LTBP1: variants seen among roughly 807,000 people sequenced by gnomAD.
LTBP1 encodes the protein latent-transforming growth factor beta-binding protein 1.
In LTBP1, 129 loss-of-function variants were observed where a neutral mutation model predicts 207.6. The observed-to-expected ratio is 0.62, with a 90% CI of 0.54 to 0.72. LTBP1 has a LOEUF of 0.72. Among genes scored for constraint, LTBP1 ranks in the 30% least tolerant of loss-of-function variants. The probability of loss-of-function intolerance (pLI) is 0.00; values close to 1 mark genes in which losing one functional copy is unlikely to be tolerated. For synonymous variants in LTBP1, 963 were observed against 833.7 expected (o/e 1.16, Z -2.67); for missense variants, 2,281 against 2,217.2 (o/e 1.03, Z -0.58).
chr2:33,214,976 T>C (rs974777268), intron 7 of LTBP1, among the ~76,000 whole-genome samples: 112 of 152,056 alleles, frequency 7.4e-4, no homozygotes, highest in Non-Finnish European at 1.3e-3. Context: ...TCTCGTAGGG[T>C]CGTTTCTTAT....
intron 3 of LTBP1, among the ~76,000 whole-genome samples, chr2:33,036,921 A>G (rs759638311): frequency 2.0e-5 from 3 of 151,834 alleles, no homozygotes; most frequent in Non-Finnish European, 4.4e-5. Flanking sequence ...TGGCTTTCTT[A>G]CAGTGAACTC....
At chr2:33,312,007 C>T in intron 23 of LTBP1, among the ~76,000 whole-genome samples, 1 of 152,190 alleles carries the variant, frequency 6.6e-6, no homozygotes, top group East Asian at 1.9e-4. Context: ...GTCTGTGAAT[C>T]TGTTTTATCA....
chr2:33,152,914 G>T (rs1261264790), intron 5 of LTBP1, among the ~76,000 whole-genome samples: 1 of 152,126 alleles, frequency 6.6e-6, no homozygotes, highest in Non-Finnish European at 1.5e-5. Context: ...TTTAATAGTG[G>T]TGCTGCTACT....
rs1204933192 is a variant in LTBP1, at chr2:32,959,594, C to CGT, written c.565+10652_565+10653dup. On this transcript the variant is annotated intron_variant, in intron 2 of 33. Coordinates refer to ENST00000404816, the MANE Select transcript of LTBP1 (RefSeq NM_206943.4). ...GTGTATGTATATGTATATATATGTA[C>CGT]GTGTATATATATATATATATATATA... 6.2e-3 allele frequency among the ~76,000 whole-genome samples: 381 copies of CGT among 61,860 alleles called. 6 individuals are homozygous for CGT. The highest frequency in any genetic ancestry group is 0.012 in the Middle Eastern group (1 of 84). 40.6% of individuals were successfully genotyped at this position (61,860 alleles called of 152,430 possible).
intron 1 of LTBP1, among the ~76,000 whole-genome samples, chr2:32,948,087 C>G (rs1480556964): frequency 6.6e-6 from 1 of 152,188 alleles, no homozygotes; most frequent in South Asian, 2.1e-4. Flanking sequence ...TGGGGCGTAA[C>G]CTTCTGCGCG....
chr2:33,397,408 T>C (rs12053346), intron 33 of LTBP1, 126 bp downstream of exon 33: 453,608 of 978,554 alleles, frequency 0.46, 109,754 homozygotes, highest in East Asian at 0.63. Context: ...GTTCTGGAGA[T>C]GTACATTAAG....
intron 3 of LTBP1, among the ~76,000 whole-genome samples, chr2:33,059,424 A>C (rs891580585): frequency 1.3e-5 from 2 of 152,234 alleles, no homozygotes; most frequent in African/African-American, 2.4e-5. Flanking sequence ...AAGCAAGCCT[A>C]GGGATCTAAT....
chr2:33,222,134 A>C lies in LTBP1; in HGVS notation c.1859A>C (p.Asn620Thr). 6.2e-7 allele frequency: 1 copy of C among 1,612,436 alleles called. No homozygotes were observed. Among genetic ancestry groups the C allele is most frequent in the Non-Finnish European group, 8.5e-7 (1 of 1,178,424 alleles). ...MECLPGYKRV[N>T]NTFCQDINEC... ...TGCCTACCGGGTTATAAGCGGGTTA[A>C]CAACACCTTTTGCCAAGGTAAGACT... Residue 620 changes from asparagine (N) to threonine (T), a missense_variant, in exon 9 of 34, where the codon AAC becomes ACC. By Grantham distance (65) the Asn-to-Thr change is moderately conservative. Coordinates refer to ENST00000404816, the MANE Select transcript of LTBP1 (RefSeq NM_206943.4).
At chr2:33,157,734 G>C (rs1367085835) in intron 5 of LTBP1, among the ~76,000 whole-genome samples, 1 of 152,164 alleles carries the variant, frequency 6.6e-6, no homozygotes, top group Non-Finnish European at 1.5e-5. Flanking sequence ...ATCAGAGAGA[G>C]ATCTTGCCCC....
intron 17 of LTBP1, among the ~76,000 whole-genome samples, chr2:33,275,334 G>C (rs2093403654): frequency 6.6e-6 from 1 of 152,106 alleles, no homozygotes; most frequent in Admixed American, 6.5e-5. Flanking sequence ...GGACCACCCT[G>C]CATGAATCAA....
chr2:33,397,412 C>CATT (rs2095368715), intron 33 of LTBP1, 130 bp downstream of exon 33: 4 of 832,792 alleles, frequency 4.8e-6, no homozygotes, highest in African/African-American at 3.4e-5. Flanking sequence ...TGGAGATGTA[C>CATT]ATTAAGTACA....
At position 33,364,578 on chromosome 2, in the gene LTBP1, T is replaced by C. The variant is rs190789732; in HGVS notation, c.4540+222T>C. On this transcript the variant is annotated intron_variant, in intron 30 of 33. Transcript: ENST00000404816. ...GGACATACTCATTAAGTATGGACTATGGAGTGGCTGAGCAGATGGCAGGGT... is the reference window on the plus strand; with the variant it reads ...GGACATACTCATTAAGTATGGACTACGGAGTGGCTGAGCAGATGGCAGGGT... Among the ~76,000 whole-genome samples, 9 of 152,334 alleles carry C rather than the reference T, an allele frequency of 5.9e-5. No individual in the cohort carries two copies. The East Asian group carries it at 1.4e-3, about 23-fold the overall frequency.
In LTBP1 at chr2:33,256,151, A is replaced by G. The variant is rs148167967; in HGVS notation, c.2168-1133A>G. Reference sequence around the variant, plus strand: ...AGTGATTGATTCCAGGGCACAGAATATCTCCTTGGCCTCTGGGTAGTTAAA... The same window carrying G: ...AGTGATTGATTCCAGGGCACAGAATGTCTCCTTGGCCTCTGGGTAGTTAAA... On this transcript the variant is annotated intron_variant, in intron 11 of 33. Coordinates refer to ENST00000404816, the MANE Select transcript of LTBP1 (RefSeq NM_206943.4). Among the ~76,000 whole-genome samples the G allele has an allele frequency of 2.9e-3, 441 of 151,806 alleles. 6 individuals are homozygous for G. Among genetic ancestry groups the G allele is most frequent in the African/African-American group, 9.2e-3 (380 of 41,364 alleles).
chr2:33,240,859 C>T lies in LTBP1; in HGVS notation c.1877-2803C>T, dbSNP rs189590921. Among the ~76,000 whole-genome samples the T allele has an allele frequency of 1.1e-4, 17 of 152,034 alleles. No individual in the cohort carries two copies. In the East Asian group the frequency reaches 2.7e-3, roughly 24 times the overall value. ...TAGAGACGGGGTTTCACTGTGTTAG[C>T]CAGGATGGTCTCGATCTCCTGACTT... On this transcript the variant is annotated intron_variant, in intron 9 of 33. Coordinates refer to ENST00000404816, the MANE Select transcript of LTBP1 (RefSeq NM_206943.4).
At chr2:33,263,499 C>T (rs574558825) in intron 15 of LTBP1, 107 bp downstream of exon 15, 4 of 696,850 alleles carry the variant, frequency 5.7e-6, no homozygotes, top group Non-Finnish European at 9.8e-6. Flanking sequence ...CAGGGTTAGC[C>T]ATACTAGCAA....
intron 2 of LTBP1, among the ~76,000 whole-genome samples, chr2:32,960,304 G>A (rs1032701803): frequency 1.3e-5 from 2 of 152,062 alleles, no homozygotes; most frequent in African/African-American, 4.8e-5. Context: ...TGTATTGTCT[G>A]GCATTGCTGC....
chr2:33,146,507 C>T (rs1256901266), intron 5 of LTBP1, among the ~76,000 whole-genome samples: 1 of 152,106 alleles, frequency 6.6e-6, no homozygotes, highest in Admixed American at 6.6e-5. Context: ...CATTTTTATT[C>T]TCTTTAATTG....
At chr2:33,223,951 CAG>C (rs1491290921) in intron 9 of LTBP1, among the ~76,000 whole-genome samples, 3 of 152,250 alleles carry the variant, frequency 2.0e-5, no homozygotes, top group East Asian at 3.9e-4. Context: ...TACCTAATAA[CAG>C]GGGACACTTC....
intron 3 of LTBP1, among the ~76,000 whole-genome samples, chr2:33,082,717 G>T (rs219099): frequency 0.65 from 98,830 of 151,966 alleles, 33,702 homozygotes; most frequent in East Asian, 0.98. Context: ...GAACCACCAC[G>T]CTCAGCCTAC....
Sources: allele counts gnomAD v4.1 joint callset (sites outside exome capture counted in the v4.1 genomes callset), GRCh38; gene constraint gnomAD v4.1.1; transcripts MANE v1.5; gene names NCBI Gene and HGNC (gene_info 2026-07-23, HGNC 2026-07-21).